The following ANKRD50 variants were observed in gnomAD, a reference collection of about 807,000 sequenced individuals.
The protein encoded by ANKRD50 is ankyrin repeat domain-containing protein 50.
In ANKRD50, 40 loss-of-function variants were observed where a neutral mutation model predicts 112.0. That is an observed-to-expected ratio of 0.36 (90% CI 0.28 to 0.46). ANKRD50 has a LOEUF of 0.46. ANKRD50 is among the 20% of genes least tolerant of loss of function. The pLI is 1.00. For synonymous variants in ANKRD50, 613 were observed against 619.1 expected (o/e 0.99, Z 0.15); for missense variants, 1,487 against 1,701.7 (o/e 0.87, Z 2.22).
At position 124,665,774 on chromosome 4, in the gene ANKRD50, T is replaced by C. The variant is rs1412977547; in HGVS notation, c.*1744A>G. ...AATATCAATTGAACTTATCAACTTA[T>C]CTCGTAGTCCTCACTATGACTTATA... is the stretch of plus-strand genomic sequence containing the variant. On this transcript the variant is annotated 3_prime_UTR_variant, in exon 5 of 5. Transcript: ENST00000504087. 6.6e-6 allele frequency: 1 copy of C among 152,384 alleles called. No homozygotes were observed. The highest frequency in any genetic ancestry group is 2.4e-5 in the African/African-American group (1 of 41,422). The allele number at this position is 152,384 out of a possible 1,614,324, so 9.4% of individuals were successfully genotyped here.
At chr4:124,679,884 A>G (rs768441013) in intron 2 of ANKRD50, among the ~76,000 whole-genome samples, 5 of 152,170 alleles carry the variant, frequency 3.3e-5, no homozygotes, top group Non-Finnish European at 2.9e-5. Context: ...ACATGCCTCC[A>G]ACAGCTCACC....
chr4:124,666,324 G>A lies in ANKRD50; in HGVS notation c.*1194C>T, dbSNP rs1467661682. 1 of 152,382 alleles carries A rather than the reference G, an allele frequency of 6.6e-6. No individual in the cohort carries two copies. Among genetic ancestry groups the A allele is most frequent in the Admixed American group, 6.6e-5 (1 of 15,234 alleles). The allele number at this position is 152,382 out of a possible 1,614,324, so 9.4% of individuals were successfully genotyped here. On this transcript the variant is annotated 3_prime_UTR_variant, in exon 5 of 5. Transcript: ENST00000504087. ...ATGCAATTGTACAAAGAAGAAAACA[G>A]GAAAGAGTATGAGGATAGAAAAGTG...
Position 124,669,172 on chromosome 4 carries a change from G to T in ANKRD50, c.4105C>A (p.Leu1369Ile), listed in dbSNP as rs2110506160. ...CCAAGAAAAACCTGGTTGCTCTGAA[G>T]ATGATAATTTGGATTTGTCATTATT... ...NGIMTNPNYH[L>I]QSNQVFLGRV... Residue 1369 changes from leucine (L) to isoleucine (I), a missense_variant, in exon 4 of 5, where the codon CTT (leucine) becomes ATT (isoleucine). Around this residue, in one of 2 missense-constraint regions of ANKRD50, gnomAD observed 441 missense variants for 432.2 expected, o/e 1.02. Coordinates refer to ENST00000504087, the MANE Select transcript of ANKRD50 (RefSeq NM_020337.3). 2 of 1,613,644 alleles carry T rather than the reference G, an allele frequency of 1.2e-6. No homozygotes were observed. Among genetic ancestry groups the T allele is most frequent in the East Asian group, 2.2e-5 (1 of 44,836 alleles).
In ANKRD50 at chr4:124,670,062, T is replaced by C. The variant is rs1191508739; in HGVS notation, c.3215A>G (p.Asn1072Ser). The change falls in exon 4 of 5, where the codon AAC becomes AGC. Residue 1072 changes from asparagine (N) to serine (S), a missense_variant. Physicochemically the swap from Asn to Ser is conservative, Grantham distance 46 (BLOSUM62 1). Transcript: ENST00000504087. ...QVLLEHGADP[N>S]HADQFGRTAM... ...AGTGCGTCCAAATTGATCAGCATGG[T>C]TTGGATCAGCACCATGCTCTAATAA... is the stretch of plus-strand genomic sequence containing the variant. 2 of 1,612,756 alleles carry C rather than the reference T, an allele frequency of 1.2e-6. No individual in the cohort carries two copies. Among genetic ancestry groups the C allele is most frequent in the African/African-American group, 2.7e-5 (2 of 74,784 alleles).
At chr4:124,677,010 T>C (rs548290858) in intron 3 of ANKRD50, among the ~76,000 whole-genome samples, 1 of 151,868 alleles carries the variant, frequency 6.6e-6, no homozygotes, top group East Asian at 1.9e-4. Context: ...CATAATTCAA[T>C]ACTGGTGCAA....
At chr4:124,687,998 A>C (rs1174398635) in intron 2 of ANKRD50, among the ~76,000 whole-genome samples, 3 of 152,242 alleles carry the variant, frequency 2.0e-5, no homozygotes, top group South Asian at 4.1e-4. Context: ...AGTATTTACC[A>C]AAATGAACTG....
intron 2 of ANKRD50, among the ~76,000 whole-genome samples, chr4:124,685,789 T>C (rs1724993476): frequency 1.4e-5 from 2 of 146,632 alleles, no homozygotes; most frequent in Middle Eastern, 3.5e-3. Context: ...ATCCTAGAGT[T>C]AGTTTTTCCC....
At chr4:124,704,591 G>A (rs557217946) in intron 2 of ANKRD50, among the ~76,000 whole-genome samples, 1 of 152,276 alleles carries the variant, frequency 6.6e-6, no homozygotes, top group East Asian at 1.9e-4. Context: ...TTATTCAAGA[G>A]CTTCAGCCTT....
intron 2 of ANKRD50, among the ~76,000 whole-genome samples, chr4:124,683,059 CACAT>C (rs1356040661): frequency 1.3e-5 from 2 of 151,612 alleles, no homozygotes; most frequent in Non-Finnish European, 2.9e-5. Context: ...TATATACACA[CACAT>C]ACATACATAT....
chr4:124,706,692 G>T (rs7660214), intron 2 of ANKRD50, among the ~76,000 whole-genome samples: 11 of 151,954 alleles, frequency 7.2e-5, no homozygotes, highest in African/African-American at 2.4e-4. Context: ...CTTAACCTAT[G>T]ATAGGATTAC....
At chr4:124,698,367 A>G (rs568174388) in intron 2 of ANKRD50, among the ~76,000 whole-genome samples, 3 of 151,968 alleles carry the variant, frequency 2.0e-5, no homozygotes, top group African/African-American at 4.8e-5. Context: ...GTGTGTGTGT[A>G]TATATATGTT....
At position 124,667,083 on chromosome 4, in the gene ANKRD50, A is replaced by G. The variant is rs908280493; in HGVS notation, c.*435T>C. 2.6e-5 allele frequency: 4 copies of G among 152,010 alleles called. No individual in the cohort carries two copies. The East Asian group carries it at 7.7e-4, about 29-fold the overall frequency. 9.4% of individuals were successfully genotyped at this position (152,010 alleles called of 1,614,324 possible). A position where few individuals can be genotyped will look rare whatever the true frequency, so the allele number is the denominator to read the frequency against. ...AGAAACAGGCCATACACTACAATGC[A>G]ATGTGACTGAAACAGTATGTTTAAG... On this transcript the variant is annotated 3_prime_UTR_variant, in exon 5 of 5. Transcript: ENST00000504087.
rs1730475939 is a variant in ANKRD50 at position 124,665,822 on chromosome 4, G to A, written c.*1696C>T. On this transcript the variant is annotated 3_prime_UTR_variant, in exon 5 of 5. Coordinates refer to ENST00000504087, the MANE Select transcript of ANKRD50 (RefSeq NM_020337.3). ...ATAGATGACAGACAAAATGAGTTTT[G>A]CTGACTTTAAAAAATAAAAGCAAGA... is the stretch of plus-strand genomic sequence containing the variant. 6.6e-6 allele frequency: 1 copy of A among 152,134 alleles called. No homozygotes were observed. The highest frequency in any genetic ancestry group is 1.5e-5 in the Non-Finnish European group (1 of 67,842). The allele number at this position is 152,134 out of a possible 1,614,324, so 9.4% of individuals were successfully genotyped here. A position where few individuals can be genotyped will look rare whatever the true frequency, so the allele number is the denominator to read the frequency against.
At chr4:124,668,061 C>T (rs1272000858) in intron 4 of ANKRD50, among the ~76,000 whole-genome samples, 1 of 151,760 alleles carries the variant, frequency 6.6e-6, no homozygotes, top group Non-Finnish European at 1.5e-5. Flanking sequence ...GCAGTGTATG[C>T]TAGGAAAGAC....
Position 124,670,507 on chromosome 4 carries a change from C to G in ANKRD50, c.2770G>C (p.Gly924Arg), listed in dbSNP as rs760277714. ...AGCAATTCAACAATGTCCCTGTGCCCTTCTAATGCAGCAACCCGCAGTGCA... is the reference window on the plus strand; with the variant it reads ...AGCAATTCAACAATGTCCCTGTGCCGTTCTAATGCAGCAACCCGCAGTGCA... ...RNALRVAALE[G>R]HRDIVELLFS... Residue 924 changes from glycine to arginine, a missense_variant, in exon 4 of 5, where the codon GGG (glycine) becomes CGG (arginine). Gly to Arg is a moderately radical substitution (Grantham distance 125, BLOSUM62 -2). Coordinates refer to ENST00000504087, the MANE Select transcript of ANKRD50 (RefSeq NM_020337.3). 6.2e-7 allele frequency: 1 copy of G among 1,613,510 alleles called. No individual in the cohort carries two copies. Among genetic ancestry groups the G allele is most frequent in the Admixed American group, 1.7e-5 (1 of 59,874 alleles).
chr4:124,697,834 TG>T (rs1419530664), intron 2 of ANKRD50, among the ~76,000 whole-genome samples: 1 of 151,682 alleles, frequency 6.6e-6, no homozygotes, highest in East Asian at 1.9e-4. Context: ...AGAAGTGGGG[TG>T]GGGTGGAGGA....
chr4:124,689,140 G>C (rs1725073256), intron 2 of ANKRD50, among the ~76,000 whole-genome samples: 1 of 152,144 alleles, frequency 6.6e-6, no homozygotes, highest in South Asian at 2.1e-4. Flanking sequence ...AAAACTTTGG[G>C]AGAGAAGGAA....
At chr4:124,693,120 T>C (rs1393889191) in intron 2 of ANKRD50, among the ~76,000 whole-genome samples, 3 of 152,096 alleles carry the variant, frequency 2.0e-5, no homozygotes, top group Non-Finnish European at 2.9e-5. Flanking sequence ...TATCAAAGAG[T>C]ATAAGATAAG....
At position 124,671,280 on chromosome 4, in the gene ANKRD50, T is replaced by C. The variant is rs1195251451; in HGVS notation, c.1997A>G (p.His666Arg). 1.9e-6 allele frequency: 3 copies of C among 1,613,714 alleles called. No homozygotes were observed. The highest frequency in any genetic ancestry group is 1.3e-5 in the African/African-American group (1 of 74,888). The change falls in exon 4 of 5, where the codon CAT (histidine) becomes CGT (arginine). Residue 666 changes from histidine to arginine, a missense_variant. His to Arg is a conservative substitution (Grantham distance 29, BLOSUM62 0). This residue lies in a region of ANKRD50 where 1,046 missense variants were observed against 1,269.5 expected (regional missense o/e 0.82). Transcript: ENST00000504087. ...HEDIVLNLLQHGAEVNKADNE... is the reference protein window; with the variant it reads ...HEDIVLNLLQRGAEVNKADNE... ...ATCAGCTTTGTTCACTTCAGCGCCA[T>C]GTTGTAGCAAATTCAGTACAATATC...
Sources: gnomAD v4.1 joint callset for allele counts (sites outside exome capture counted in the v4.1 genomes callset) on GRCh38, gnomAD v4.1.1 for gene constraint, gnomAD v4.1.1 regional missense constraint, MANE v1.5 for transcripts, NCBI Gene and HGNC (gene_info 2026-07-23, HGNC 2026-07-21) for gene names.